SOX10: variants seen among roughly 807,000 people sequenced by gnomAD.
The protein encoded by SOX10 is SRY-box transcription factor 10.
A neutral mutation model predicts 35.0 loss-of-function variants in SOX10; 3 were observed. The observed-to-expected ratio is 0.09, with a 90% CI of 0.04 to 0.22. The LOEUF (loss-of-function observed/expected upper bound fraction) is 0.22. Among genes scored for constraint, SOX10 ranks in the 10% least tolerant of loss-of-function variants. The pLI is 1.00. For missense variants in SOX10, 436 were observed against 655.1 expected (o/e 0.67, Z 3.65); for synonymous variants, 285 against 291.0 (o/e 0.98, Z 0.21).
At chr22:37,982,385 G>A (rs1209880207) in intron 2 of SOX10, among the ~76,000 whole-genome samples, 3 of 152,160 alleles carry the variant, frequency 2.0e-5, no homozygotes, top group African/African-American at 7.2e-5. Context: ...AGCTGCTCTG[G>A]CACTCCCGGG....
rs752779035 is a variant in SOX10 at position 37,973,735 on chromosome 22, G to C, written c.1161C>G (p.His387Gln). 1.9e-6 allele frequency: 3 copies of C among 1,603,748 alleles called. No homozygotes were observed. The highest frequency in any genetic ancestry group is 2.6e-6 in the Non-Finnish European group (3 of 1,172,742). ...AGATGGAGGGGAAGGCTGAGCCATA[G>C]TGGGGCAGGCTGAGGGAGGTGTAGG... is the stretch of plus-strand genomic sequence containing the variant. ...QIAYTSLSLP[H>Q]YGSAFPSISR... Residue 387 changes from histidine to glutamine, a missense_variant, in exon 4 of 4, where the codon CAC becomes CAG. Around this residue, in one of 3 missense-constraint regions of SOX10, gnomAD observed 285 missense variants for 402.9 expected, o/e 0.71. Transcript: ENST00000396884.
At chr22:37,982,591 G>A (rs938652600) in intron 2 of SOX10, among the ~76,000 whole-genome samples, 1 of 152,180 alleles carries the variant, frequency 6.6e-6, no homozygotes, top group African/African-American at 2.4e-5. Flanking sequence ...AGAGTGCTCA[G>A]CTCCAGCTCT....
intron 2 of SOX10, among the ~76,000 whole-genome samples, chr22:37,982,608 G>T (rs1245502332): frequency 5.9e-5 from 9 of 152,188 alleles, no homozygotes. Flanking sequence ...CTCTGGGGCA[G>T]TGGGGAAGAG....
chr22:37,982,640 GC>G (rs1202656225), intron 2 of SOX10, among the ~76,000 whole-genome samples: 3 of 152,108 alleles, frequency 2.0e-5, no homozygotes, highest in Non-Finnish European at 4.4e-5. Context: ...TTGGGGTGGG[GC>G]CCTGGCAGGG....
In SOX10 at chr22:37,973,225, A is replaced by C; in HGVS notation, c.*270T>G. ...GGGATAGAGGGTCATTCCTGGGGGA[A>C]GGTGCAGCCCCTCATCTTTCAGTGT... On this transcript the variant is annotated 3_prime_UTR_variant, in exon 4 of 4. Transcript: ENST00000396884. The C allele has an allele frequency of 2.2e-5, 9 of 410,180 alleles. No homozygotes were observed. Among genetic ancestry groups the C allele is most frequent in the East Asian group, 3.7e-5 (1 of 27,120 alleles). The allele number at this position is 410,180 out of a possible 1,614,324, so 25.4% of individuals were successfully genotyped here.
chr22:37,981,948 CG>C (rs1411918435), intron 2 of SOX10, among the ~76,000 whole-genome samples: 1 of 152,142 alleles, frequency 6.6e-6, no homozygotes, highest in Non-Finnish European at 1.5e-5. Flanking sequence ...GGCCAGGGGG[CG>C]GGATGTGAAT....
Position 37,974,300 on chromosome 22 carries a change from C to G in SOX10, c.698-102G>C. ...ATGGTTCACCTTCAGGCAGCGGGTGCCTCTGGGAAAACCTTGTAAGTTTCA... is the reference window on the plus strand; with the variant it reads ...ATGGTTCACCTTCAGGCAGCGGGTGGCTCTGGGAAAACCTTGTAAGTTTCA... On this transcript the variant is annotated intron_variant, in intron 3 of 3. Transcript: ENST00000396884. The surrounding 1 kb of genome is among the most constrained non-coding windows in gnomAD (Gnocchi z 5.4). 1.1e-6 allele frequency: 1 copy of G among 873,114 alleles called. No individual in the cohort carries two copies. The highest frequency in any genetic ancestry group is 1.8e-6 in the Non-Finnish European group (1 of 557,872). The allele number at this position is 873,114 out of a possible 1,614,324, so 54.1% of individuals were successfully genotyped here.
intron 3 of SOX10, among the ~76,000 whole-genome samples, chr22:37,975,624 A>T (rs955187925): frequency 2.0e-5 from 3 of 152,218 alleles, no homozygotes; most frequent in African/African-American, 7.2e-5. Context: ...TGCCTCCTTC[A>T]TCAGACCAGA....
chr22:37,982,740 C>T (rs1932439243), intron 2 of SOX10, among the ~76,000 whole-genome samples: 1 of 152,008 alleles, frequency 6.6e-6, no homozygotes, highest in East Asian at 1.9e-4. Context: ...ACTGTGTGTC[C>T]TCTCCCTAGG....
chr22:37,976,901 C>T (rs1471976349), intron 3 of SOX10, among the ~76,000 whole-genome samples: 1 of 152,168 alleles, frequency 6.6e-6, no homozygotes, highest in Admixed American at 6.5e-5. Flanking sequence ...CATGTCTCCT[C>T]TGTCAGAATG....
chr22:37,983,755 C>T lies in SOX10; in HGVS notation c.30G>A (p.Val10=), dbSNP rs1932481133. The change falls in exon 2 of 4, where the codon GTG becomes GTA. Residue 10 remains valine (V), a synonymous_variant. Transcript: ENST00000396884. The surrounding 1 kb of genome is among the most constrained non-coding windows in gnomAD (Gnocchi z 9.5). MAEEQDLSE[V]ELSPVGSEEP... The stretch of plus-strand genomic sequence containing the variant: ...CCTCCGAGCCCACGGGGCTCAGCTC[C>T]ACCTCCGATAGGTCCTGCTCCTCCG... 2.7e-6 allele frequency: 4 copies of T among 1,486,240 alleles called. No individual in the cohort carries two copies. The highest frequency in any genetic ancestry group is 3.6e-6 in the Non-Finnish European group (4 of 1,123,038). 92.1% of individuals were successfully genotyped at this position (1,486,240 alleles called of 1,614,324 possible).
Position 37,977,848 on chromosome 22 carries a change from C to T in SOX10, c.697+19G>A. On this transcript the variant is annotated intron_variant, in intron 3 of 3. Transcript: ENST00000396884. ...CTGACTGGCCTTGCCCCACCCTCAGCTCTGTCATCAGCACTCACCTGAGGG... is the reference window on the plus strand; with the variant it reads ...CTGACTGGCCTTGCCCCACCCTCAGTTCTGTCATCAGCACTCACCTGAGGG... 6.2e-7 allele frequency: 1 copy of T among 1,600,396 alleles called. No individual in the cohort carries two copies. The highest frequency in any genetic ancestry group is 8.5e-7 in the Non-Finnish European group (1 of 1,171,254).
chr22:37,973,385 A>G lies in SOX10; in HGVS notation c.*110T>C. The G allele has an allele frequency of 1.4e-6, 1 of 733,564 alleles. No individual in the cohort carries two copies. The highest frequency in any genetic ancestry group is 2.2e-6 in the Non-Finnish European group (1 of 457,992). 45.4% of individuals were successfully genotyped at this position (733,564 alleles called of 1,614,324 possible). A position where few individuals can be genotyped will look rare whatever the true frequency, so the allele number is the denominator to read the frequency against. On this transcript the variant is annotated 3_prime_UTR_variant, in exon 4 of 4. Coordinates refer to ENST00000396884, the MANE Select transcript of SOX10 (RefSeq NM_006941.4). Reference sequence around the variant, plus strand: ...AGCCCCCCGACCTGTCAGCCTCTTCAGCCTCCTCAGCCTCCTCCACTGCCA... The same window carrying G: ...AGCCCCCCGACCTGTCAGCCTCTTCGGCCTCCTCAGCCTCCTCCACTGCCA...
chr22:37,978,452 T>C lies in SOX10; in HGVS notation c.429-317A>G, dbSNP rs1002609890. Among the ~76,000 whole-genome samples the C allele has an allele frequency of 1.3e-5, 2 of 152,228 alleles. No homozygotes were observed. Among genetic ancestry groups the C allele is most frequent in the African/African-American group, 4.8e-5 (2 of 41,462 alleles). ...AGGAGTAGAGGTTTCAAGGGGCAGATGCCAGTTCAAGGAAAGGAAAAACTT... is the reference window on the plus strand; with the variant it reads ...AGGAGTAGAGGTTTCAAGGGGCAGACGCCAGTTCAAGGAAAGGAAAAACTT... On this transcript the variant is annotated intron_variant, in intron 2 of 3. Transcript: ENST00000396884. This position sits in a 1 kb window ranked among gnomAD's most constrained non-coding sequence, Gnocchi z 5.0.
In SOX10 at chr22:37,973,762, G is replaced by A. The variant is rs764096695; in HGVS notation, c.1134C>T (p.Ile378=). 9 of 1,596,636 alleles carry A rather than the reference G, an allele frequency of 5.6e-6. No homozygotes were observed. Among genetic ancestry groups the A allele is most frequent in the Middle Eastern group, 1.7e-4 (1 of 5,992 alleles). The part of the protein sequence containing the change: ...HYTDQPSTSQ[I]AYTSLSLPHY... Reference sequence around the variant, plus strand: ...GGGGCAGGCTGAGGGAGGTGTAGGCGATCTGTGAGGTGGATGGCTGGTCGG... The same window carrying A: ...GGGGCAGGCTGAGGGAGGTGTAGGCAATCTGTGAGGTGGATGGCTGGTCGG... Residue 378 remains isoleucine, a synonymous_variant, in exon 4 of 4, where the codon ATC becomes ATT. Transcript: ENST00000396884.
chr22:37,981,032 C>T (rs1046141775), intron 2 of SOX10, among the ~76,000 whole-genome samples: 1 of 152,212 alleles, frequency 6.6e-6, no homozygotes, highest in Non-Finnish European at 1.5e-5. Flanking sequence ...TCAACTAGCC[C>T]CTCCCCAGAT....
rs1473316530 is a variant in SOX10 at position 37,973,168 on chromosome 22, C to T, written c.*327G>A. On this transcript the variant is annotated 3_prime_UTR_variant, in exon 4 of 4. Coordinates refer to ENST00000396884, the MANE Select transcript of SOX10 (RefSeq NM_006941.4). ...CACCAACCCTGGTGCTTCCCCTCCCCGAGGAGGGTGAGCAGGCCCTTCTCA... is the reference window on the plus strand; with the variant it reads ...CACCAACCCTGGTGCTTCCCCTCCCTGAGGAGGGTGAGCAGGCCCTTCTCA... 14 of 311,244 alleles carry T rather than the reference C, an allele frequency of 4.5e-5. No homozygotes were observed. The highest frequency in any genetic ancestry group is 8.9e-4 in the Middle Eastern group (1 of 1,122). The allele number at this position is 311,244 out of a possible 1,614,324, so 19.3% of individuals were successfully genotyped here.
Position 37,973,340 on chromosome 22 carries a change from G to C in SOX10, c.*155C>G. 1 of 603,944 alleles carries C rather than the reference G, an allele frequency of 1.7e-6. No homozygotes were observed. The highest frequency in any genetic ancestry group is 2.9e-6 in the Non-Finnish European group (1 of 343,778). The allele number at this position is 603,944 out of a possible 1,614,324, so 37.4% of individuals were successfully genotyped here. ...CCTGGATGGGGCGGGTGGGTCATCAGGGCAGTGAGCCAGACAGAAAGCCCC... is the reference window on the plus strand; with the variant it reads ...CCTGGATGGGGCGGGTGGGTCATCACGGCAGTGAGCCAGACAGAAAGCCCC... On this transcript the variant is annotated 3_prime_UTR_variant, in exon 4 of 4. Coordinates refer to ENST00000396884, the MANE Select transcript of SOX10 (RefSeq NM_006941.4).
rs1932494361 is a variant in SOX10 at position 37,984,028 on chromosome 22, G to T, written c.-84-160C>A. ...CACATGCCAGACTCTAGGTGGGTGCGTCCCGCCTCTGTGTCTTCCCACCAC... is the reference window on the plus strand; with the variant it reads ...CACATGCCAGACTCTAGGTGGGTGCTTCCCGCCTCTGTGTCTTCCCACCAC... On this transcript the variant is annotated intron_variant, in intron 1 of 3. Transcript: ENST00000396884. The surrounding 1 kb of genome is among the most constrained non-coding windows in gnomAD (Gnocchi z 4.4). Among the ~76,000 whole-genome samples, 1 of 151,974 alleles carries T rather than the reference G, an allele frequency of 6.6e-6. No individual in the cohort carries two copies. The highest frequency in any genetic ancestry group is 2.4e-5 in the African/African-American group (1 of 41,402).
Sources: allele counts gnomAD v4.1 joint callset (sites outside exome capture counted in the v4.1 genomes callset), GRCh38; gene constraint gnomAD v4.1.1; regional missense constraint gnomAD v4.1.1; non-coding constraint Gnocchi (gnomAD v3.1); transcripts MANE v1.5; gene names NCBI Gene and HGNC (gene_info 2026-07-23, HGNC 2026-07-21).